Variants in STK40 observed in about 807,000 individuals in gnomAD.
STK40 encodes the protein serine/threonine-protein kinase 40.
A neutral mutation model predicts 47.9 loss-of-function variants in STK40; 13 were observed. The ratio of observed to expected loss-of-function variants is 0.27; its 90% CI spans 0.18 to 0.43. The LOEUF (loss-of-function observed/expected upper bound fraction) is 0.43, where lower values mean the gene tolerates loss of function less well. Ranked by LOEUF, STK40 falls within the 20% of genes least tolerant of loss-of-function variation. The pLI is 1.00. For missense variants in STK40, 460 were observed against 595.1 expected (o/e 0.77, Z 2.36); for synonymous variants, 225 against 243.2 (o/e 0.93, Z 0.69).
Position 36,374,359 on chromosome 1 carries a change from G to C in STK40, c.-9+11364C>G, listed in dbSNP as rs924979754. ...TCTGGAAGAAAAGTCTCAGGGCTGT[G>C]CACACAGAGGTAGAGAGAAGCTTTC... On this transcript the variant is annotated intron_variant, in intron 1 of 10. Coordinates refer to ENST00000373132, the MANE Select transcript of STK40 (RefSeq NM_001282547.2). Among the ~76,000 whole-genome samples the C allele has an allele frequency of 2.0e-4, 30 of 152,370 alleles. 1 individual carries two copies. The highest frequency in any genetic ancestry group is 7.0e-4 in the African/African-American group (29 of 41,590).
chr1:36,362,156 G>A (rs554720249), intron 1 of STK40, among the ~76,000 whole-genome samples: 138 of 152,172 alleles, frequency 9.1e-4, no homozygotes, highest in African/African-American at 3.2e-3. Flanking sequence ...CGGACATTGG[G>A]GCCAGAGGCT....
chr1:36,374,232 C>T (rs139377355), intron 1 of STK40, among the ~76,000 whole-genome samples: 5 of 152,362 alleles, frequency 3.3e-5, no homozygotes, highest in Admixed American at 6.5e-5. Flanking sequence ...CCCACTGCCC[C>T]GAGGAAGTCC....
chr1:36,341,876 C>T lies in STK40; in HGVS notation c.1187G>A (p.Arg396Gln), dbSNP rs139437228. 2.8e-5 allele frequency: 45 copies of T among 1,613,882 alleles called. 1 individual carries two copies. The highest frequency in any genetic ancestry group is 1.4e-4 in the South Asian group (13 of 91,082). The change falls in exon 11 of 11, where the codon CGG (arginine) becomes CAG (glutamine). Residue 396 changes from arginine to glutamine, a missense_variant. Physicochemically the swap from Arg to Gln is conservative, Grantham distance 43. Coordinates refer to ENST00000373132, the MANE Select transcript of STK40 (RefSeq NM_001282547.2). ...GAACTGCCGCTTGGGTACCCAGCTC[C>T]GGGCGTCATGGATGGAGCTCTTCTC... ...AEEKSSIHDARSWVPKRQFGS... is the reference protein window; with the variant it reads ...AEEKSSIHDAQSWVPKRQFGS...
At chr1:36,347,684 G>A (rs1432754473) in intron 7 of STK40, among the ~76,000 whole-genome samples, 33 of 146,674 alleles carry the variant, frequency 2.2e-4, no homozygotes, top group Admixed American at 1.5e-3. Flanking sequence ...ATGGAGTCTC[G>A]CTCTGTTGCC....
intron 1 of STK40, among the ~76,000 whole-genome samples, chr1:36,372,352 C>T (rs72663467): frequency 0.11 from 15,190 of 141,044 alleles, 909 homozygotes; most frequent in Middle Eastern, 0.25. Context: ...ACTGCTTGAG[C>T]GCAGGAGTTT....
chr1:36,355,526 A>T, intron 4 of STK40, 93 bp from the exon 5 acceptor site: 1 of 1,327,814 alleles, frequency 7.5e-7, no homozygotes, highest in Non-Finnish European at 1.1e-6. Flanking sequence ...GGACACTCAA[A>T]CCAGTGAGGG....
chr1:36,361,676 G>A (rs1646853828), intron 1 of STK40, among the ~76,000 whole-genome samples: 1 of 152,110 alleles, frequency 6.6e-6, no homozygotes, highest in Non-Finnish European at 1.5e-5. Context: ...AGAGCCCCAA[G>A]AGACTACCAC....
rs1471601731 is a variant in STK40 at position 36,339,757 on chromosome 1, ACCC to A, written c.*1995_*1997del. The A allele has an allele frequency of 6.5e-6, 1 of 152,694 alleles. No homozygotes were observed. The highest frequency in any genetic ancestry group is 2.4e-5 in the African/African-American group (1 of 41,448). The allele number at this position is 152,694 out of a possible 1,614,324, so 9.5% of individuals were successfully genotyped here. On this transcript the variant is annotated 3_prime_UTR_variant, in exon 11 of 11. Coordinates refer to ENST00000373132, the MANE Select transcript of STK40 (RefSeq NM_001282547.2). ...AATAGGACTTCTCTCAGTGTGTGAC[ACCC>A]AGTGAGGGCTGACCCATCCTCCTCT... is the stretch of plus-strand genomic sequence containing the variant.
At chr1:36,342,205 C>A in intron 10 of STK40, 1 of 562,954 alleles carries the variant, frequency 1.8e-6, no homozygotes, top group Non-Finnish European at 3.2e-6. Context: ...CCGGGACTGA[C>A]GCAGACTCAT....
At chr1:36,369,079 T>G (rs1646924137) in intron 1 of STK40, among the ~76,000 whole-genome samples, 1 of 152,246 alleles carries the variant, frequency 6.6e-6, no homozygotes, top group African/African-American at 2.4e-5. Context: ...TCATATATGT[T>G]GGGCAGAGCC....
chr1:36,368,530 G>C (rs925052165), intron 1 of STK40, among the ~76,000 whole-genome samples: 1 of 152,168 alleles, frequency 6.6e-6, no homozygotes, highest in Non-Finnish European at 1.5e-5. Flanking sequence ...AGGATTACAG[G>C]CGTGAGCCAC....
At position 36,341,524 on chromosome 1, in the gene STK40, T is replaced by A. The variant is rs898095993; in HGVS notation, c.*231A>T. 6 of 572,976 alleles carry A rather than the reference T, an allele frequency of 1.0e-5. No homozygotes were observed. Among genetic ancestry groups the A allele is most frequent in the Non-Finnish European group, 1.9e-5 (6 of 320,252 alleles). The allele number at this position is 572,976 out of a possible 1,614,324, so 35.5% of individuals were successfully genotyped here. ...TAAAACATCGTGATTAAAAGCAGATTAGTTATCTAGGCTTCTCAGATTTAA... is the reference window on the plus strand; with the variant it reads ...TAAAACATCGTGATTAAAAGCAGATAAGTTATCTAGGCTTCTCAGATTTAA... On this transcript the variant is annotated 3_prime_UTR_variant, in exon 11 of 11. Coordinates refer to ENST00000373132, the MANE Select transcript of STK40 (RefSeq NM_001282547.2).
chr1:36,368,322 T>A (rs1646918681), intron 1 of STK40, among the ~76,000 whole-genome samples: 1 of 152,182 alleles, frequency 6.6e-6, no homozygotes, highest in South Asian at 2.1e-4. Context: ...TCACCCAGAC[T>A]GGAGTGCAGC....
chr1:36,354,593 G>A (rs540830562), intron 5 of STK40, among the ~76,000 whole-genome samples, 177 bp from the exon 6 acceptor site: 108 of 152,294 alleles, frequency 7.1e-4, no homozygotes, highest in Non-Finnish European at 1.1e-3. Context: ...TGACCTGCGC[G>A]TCTGGATGGG....
At chr1:36,357,593 CA>C (rs548177077) in intron 4 of STK40, among the ~76,000 whole-genome samples, 27 of 148,446 alleles carry the variant, frequency 1.8e-4, no homozygotes, top group Admixed American at 8.8e-4. Context: ...GTAAATGTCT[CA>C]AAAAAAAAAA....
At position 36,353,549 on chromosome 1, in the gene STK40, G is replaced by A. The variant is rs546128173; in HGVS notation, c.623+815C>T. On this transcript the variant is annotated intron_variant, in intron 6 of 10. Coordinates refer to ENST00000373132, the MANE Select transcript of STK40 (RefSeq NM_001282547.2). ...TAAGGCATGCTCTCCTTGCTGCTGA[G>A]AGAGCTGGTGGCATTTTACAGGTAA... is the stretch of plus-strand genomic sequence containing the variant. Among the ~76,000 whole-genome samples the A allele has an allele frequency of 9.8e-5, 15 of 152,342 alleles. No homozygotes were observed. The East Asian group carries it at 2.9e-3, about 29-fold the overall frequency.
intron 1 of STK40, among the ~76,000 whole-genome samples, chr1:36,382,378 C>A (rs929523672): frequency 2.0e-5 from 3 of 151,932 alleles, no homozygotes; most frequent in Admixed American, 2.0e-4. Context: ...CGGGTTTCGC[C>A]ATGTTGCCCA....
intron 2 of STK40, 44 bp downstream of exon 2, chr1:36,361,177 C>T (rs1238897116): frequency 1.9e-6 from 3 of 1,610,168 alleles, no homozygotes; most frequent in Non-Finnish European, 2.5e-6. Context: ...TGCCCTGCCC[C>T]TGCCTCCCAG....
chr1:36,345,997 T>A (rs1176136170), intron 7 of STK40, among the ~76,000 whole-genome samples: 14 of 60,682 alleles, frequency 2.3e-4, no homozygotes, highest in East Asian at 1.2e-3. Flanking sequence ...ATATATTTTT[T>A]TTTTTTTTTT....
Sources: gnomAD v4.1 joint callset for allele counts (sites outside exome capture counted in the v4.1 genomes callset) on GRCh38, gnomAD v4.1.1 for gene constraint, MANE v1.5 for transcripts, NCBI Gene and HGNC (gene_info 2026-07-23, HGNC 2026-07-21) for gene names.